Variants in EXOC4 observed in about 807,000 individuals in gnomAD.
EXOC4 encodes SEC8-like 1.
EXOC4 carries 71 observed loss-of-function variants against 107.2 expected under a neutral mutation model. The ratio of observed to expected loss-of-function variants is 0.66; its 90% CI spans 0.55 to 0.81. The LOEUF is 0.81. Ranked by LOEUF, EXOC4 falls within the 30% of genes least tolerant of loss-of-function variation. EXOC4 has a pLI of 0.00. For synonymous variants in EXOC4, 456 were observed against 441.2 expected (o/e 1.03, Z -0.42); for missense variants, 1,108 against 1,189.6 (o/e 0.93, Z 1.01).
At chr7:133,606,517 A>ATTT (rs56086076) in intron 9 of EXOC4, among the ~76,000 whole-genome samples, 10 of 136,932 alleles carry the variant, frequency 7.3e-5, no homozygotes, top group African/African-American at 2.1e-4. Context: ...TATTATTATT[A>ATTT]TTTTTTTTTT....
At chr7:133,566,795 A>G (rs1240727912) in intron 9 of EXOC4, among the ~76,000 whole-genome samples, 3 of 152,232 alleles carry the variant, frequency 2.0e-5, no homozygotes, top group Non-Finnish European at 1.5e-5. Flanking sequence ...CCACTGGTAA[A>G]TGCTTTCAAT....
At chr7:133,927,872 A>G (rs1800087001) in intron 13 of EXOC4, among the ~76,000 whole-genome samples, 1 of 152,208 alleles carries the variant, frequency 6.6e-6, no homozygotes, top group South Asian at 2.1e-4. Flanking sequence ...CTCAGCTGCA[A>G]ACATATCAAT....
intron 17 of EXOC4, among the ~76,000 whole-genome samples, chr7:134,064,083 T>C (rs1325744167): frequency 6.6e-6 from 1 of 152,150 alleles, no homozygotes; most frequent in Non-Finnish European, 1.5e-5. Context: ...TCACTTAGAC[T>C]TCTCCTGAAG....
chr7:133,657,509 A>G (rs1172709509), intron 10 of EXOC4, among the ~76,000 whole-genome samples: 3 of 152,154 alleles, frequency 2.0e-5, no homozygotes, highest in East Asian at 3.8e-4. Context: ...TTTCCCAAGG[A>G]CAGCATTTTG....
intron 14 of EXOC4, among the ~76,000 whole-genome samples, chr7:133,952,388 A>T (rs1354491769): frequency 6.6e-6 from 1 of 152,170 alleles, no homozygotes; most frequent in Non-Finnish European, 1.5e-5. Flanking sequence ...TGATCTGGTT[A>T]GCTGCTTACC....
At position 133,997,621 on chromosome 7, in the gene EXOC4, A is replaced by T. The variant is rs1257082931; in HGVS notation, c.2336A>T (p.His779Leu). The change falls in exon 15 of 18, where the codon CAT becomes CTT. Residue 779 changes from histidine to leucine, a missense_variant. By Grantham distance (99) the His-to-Leu change is moderately conservative. Transcript: ENST00000253861. ...DMADRCLLVL[H>L]LEVRVHCFHY... ...GCTGACCGCTGCTTGCTTGTCTTAC[A>T]TCTGGAAGTGAGGTATGATACAGCC... 2.5e-6 allele frequency: 4 copies of T among 1,613,140 alleles called. No individual in the cohort carries two copies. The highest frequency in any genetic ancestry group is 2.2e-5 in the East Asian group (1 of 44,874).
intron 10 of EXOC4, among the ~76,000 whole-genome samples, chr7:133,718,776 A>T (rs769484746): frequency 1.3e-5 from 2 of 152,190 alleles, no homozygotes; most frequent in African/African-American, 4.8e-5. Flanking sequence ...ACATTAGCTG[A>T]AAAGGAAGGA....
intron 13 of EXOC4, among the ~76,000 whole-genome samples, chr7:133,926,211 T>C (rs935756981): frequency 2.0e-5 from 3 of 152,142 alleles, no homozygotes; most frequent in Non-Finnish European, 4.4e-5. Flanking sequence ...AGGAAGTAAA[T>C]GACTTCCCCA....
intron 5 of EXOC4, among the ~76,000 whole-genome samples, chr7:133,340,955 C>G (rs781763170): frequency 6.6e-6 from 1 of 151,958 alleles, no homozygotes; most frequent in Admixed American, 6.6e-5. Flanking sequence ...TTTTTTCTAT[C>G]TTTTCAAAGA....
chr7:133,407,348 G>A (rs547083132), intron 7 of EXOC4, among the ~76,000 whole-genome samples: 2 of 152,294 alleles, frequency 1.3e-5, no homozygotes, highest in East Asian at 1.9e-4. Flanking sequence ...TTAATATGAA[G>A]TTGAGCCCAG....
chr7:134,022,992 A>G (rs779970516), intron 17 of EXOC4, among the ~76,000 whole-genome samples: 1 of 152,194 alleles, frequency 6.6e-6, no homozygotes, highest in Non-Finnish European at 1.5e-5. Flanking sequence ...TCTTAAAACA[A>G]TGTTTTCCCC....
chr7:133,473,666 C>T (rs58955798), intron 7 of EXOC4, among the ~76,000 whole-genome samples: 43,774 of 151,070 alleles, frequency 0.29, 6,558 homozygotes, highest in Middle Eastern at 0.4. Flanking sequence ...TCTTTATAGG[C>T]GAAGTGAGTT....
chr7:133,936,898 C>T (rs1281340631), intron 13 of EXOC4, among the ~76,000 whole-genome samples: 1 of 152,104 alleles, frequency 6.6e-6, no homozygotes, highest in East Asian at 1.9e-4. Flanking sequence ...TGAGCTCAGG[C>T]AATCCACCTG....
At chr7:133,465,737 A>G (rs1798712164) in intron 7 of EXOC4, among the ~76,000 whole-genome samples, 2 of 152,208 alleles carry the variant, frequency 1.3e-5, no homozygotes, top group Admixed American at 1.3e-4. Flanking sequence ...AGAAATTTGG[A>G]GGTCCCCAAA....
chr7:133,850,801 T>C (rs1043049099), intron 11 of EXOC4, among the ~76,000 whole-genome samples: 1 of 152,194 alleles, frequency 6.6e-6, no homozygotes, highest in African/African-American at 2.4e-5. Context: ...ATTTTCCTTA[T>C]AATTGAACCA....
At chr7:133,436,171 C>G (rs1340619081) in intron 7 of EXOC4, among the ~76,000 whole-genome samples, 5 of 151,534 alleles carry the variant, frequency 3.3e-5, no homozygotes, top group African/African-American at 1.2e-4. Flanking sequence ...TCCATGCAAA[C>G]TAACGATATG....
chr7:133,694,619 C>T (rs932776780), intron 10 of EXOC4, among the ~76,000 whole-genome samples: 2 of 152,010 alleles, frequency 1.3e-5, no homozygotes, highest in East Asian at 1.9e-4. Context: ...ATATTTTGGG[C>T]GTTCTTCTGA....
the EXOC4 span, among the ~76,000 whole-genome samples, chr7:134,088,651 C>G: frequency 3.9e-5 from 6 of 152,118 alleles, no homozygotes; most frequent in African/African-American, 1.4e-4. Flanking sequence ...CCAAAGTTAT[C>G]AGAAAACTGC....
chr7:133,969,008 G>T (rs966584828), intron 14 of EXOC4, among the ~76,000 whole-genome samples: 5 of 152,104 alleles, frequency 3.3e-5, no homozygotes, highest in African/African-American at 1.2e-4. Context: ...TTTTCACGTA[G>T]TGCCATATTT....
Sources: allele counts gnomAD v4.1 joint callset (sites outside exome capture counted in the v4.1 genomes callset), GRCh38; gene constraint gnomAD v4.1.1; transcripts MANE v1.5; gene names NCBI Gene and HGNC (gene_info 2026-07-23, HGNC 2026-07-21).